The following PIEZO2 variants were observed in gnomAD, a reference collection of about 807,000 sequenced individuals.
The protein encoded by PIEZO2 is piezo-type mechanosensitive ion channel component 2.
Under a neutral mutation model 337.3 loss-of-function variants are expected in PIEZO2, and 172 were observed. The observed-to-expected ratio is 0.51, with a 90% CI of 0.45 to 0.58. The LOEUF is 0.58. Among genes scored for constraint, PIEZO2 ranks in the 20% least tolerant of loss-of-function variants. The pLI, the probability that PIEZO2 is intolerant of heterozygous loss-of-function variation, is 0.00. For synonymous variants in PIEZO2, 1,251 were observed against 1,228.5 expected (o/e 1.02, Z -0.38); for missense variants, 3,028 against 3,391.3 (o/e 0.89, Z 2.66).
At chr18:10,757,882 C>T in intron 27 of PIEZO2, 87 bp downstream of exon 27, 4 of 1,317,090 alleles carry the variant, frequency 3.0e-6, no homozygotes, top group Non-Finnish European at 4.1e-6. Flanking sequence ...ATCTGTTTCC[C>T]AAGTATAGCA....
rs2042662172 is a variant in PIEZO2, at chr18:10,888,189, A to G, written c.330-16774T>C. 6.6e-6 allele frequency among the ~76,000 whole-genome samples: 1 copy of G among 152,208 alleles called. No individual in the cohort carries two copies. Among genetic ancestry groups the G allele is most frequent in the Admixed American group, 6.5e-5 (1 of 15,274 alleles). On this transcript the variant is annotated intron_variant, in intron 4 of 55. Transcript: ENST00000674853. The surrounding 1 kb of genome is among the most constrained non-coding windows in gnomAD (Gnocchi z 4.1). The stretch of plus-strand genomic sequence containing the variant: ...GTAAGCACTTCCTCTTACCTCCAAT[A>G]AATCAATTTCTTAGCTAAGTAATAT...
chr18:10,867,219 C>G (rs1179126201), intron 5 of PIEZO2, among the ~76,000 whole-genome samples: 1 of 152,182 alleles, frequency 6.6e-6, no homozygotes, highest in African/African-American at 2.4e-5. Context: ...TAGACTAAAT[C>G]TCAGGCTAGA....
rs2037370929 is a variant in PIEZO2 at position 11,047,754 on chromosome 18, G to A, written c.160+18373C>T. 6.6e-6 allele frequency among the ~76,000 whole-genome samples: 1 copy of A among 152,120 alleles called. No homozygotes were observed. The highest frequency in any genetic ancestry group is 2.4e-5 in the African/African-American group (1 of 41,406). On this transcript the variant is annotated intron_variant, in intron 2 of 55. Transcript: ENST00000674853. This position sits in a 1 kb window ranked among gnomAD's most constrained non-coding sequence, Gnocchi z 7.2. ...AACAACTAAGAGTATGGCTTTGACA[G>A]GTGTCCCTGCATCTTAAAAGAGCAG...
At chr18:11,136,904 G>A (rs1477073038) in intron 1 of PIEZO2, among the ~76,000 whole-genome samples, 1 of 152,144 alleles carries the variant, frequency 6.6e-6, no homozygotes, top group Non-Finnish European at 1.5e-5. Context: ...CTCAAATCTT[G>A]TTTATATCAT....
chr18:10,698,338 CAGA>C (rs1418560847), intron 44 of PIEZO2, among the ~76,000 whole-genome samples: 1 of 152,050 alleles, frequency 6.6e-6, no homozygotes, highest in East Asian at 1.9e-4. Context: ...ACAAAAGCTT[CAGA>C]CAGGAGCCCC....
chr18:10,922,852 T>A (rs9946317), intron 3 of PIEZO2, among the ~76,000 whole-genome samples: 1 of 152,132 alleles, frequency 6.6e-6, no homozygotes, highest in East Asian at 1.9e-4. Context: ...ACCAAAACTA[T>A]ACAAAATAAA....
chr18:11,065,846 T>C (rs1054521318), intron 2 of PIEZO2, among the ~76,000 whole-genome samples: 1 of 152,232 alleles, frequency 6.6e-6, no homozygotes, highest in Non-Finnish European at 1.5e-5. Context: ...TTTGAGTTAG[T>C]AGTGTTAACT....
chr18:11,062,907 TG>T (rs2038018912), intron 2 of PIEZO2, among the ~76,000 whole-genome samples: 1 of 152,208 alleles, frequency 6.6e-6, no homozygotes, highest in Admixed American at 6.5e-5. Flanking sequence ...ATCGCATTAC[TG>T]GGTATATACC....
chr18:11,026,092 C>T (rs1199712508), intron 2 of PIEZO2, among the ~76,000 whole-genome samples: 20 of 152,164 alleles, frequency 1.3e-4, no homozygotes, highest in Admixed American at 1.2e-3. Flanking sequence ...ATTGCTTTGC[C>T]GGTTTGCCAG....
At position 10,945,258 on chromosome 18, in the gene PIEZO2, C is replaced by A. The variant is rs151060596; in HGVS notation, c.287-34030G>T. On this transcript the variant is annotated intron_variant, in intron 3 of 55. Transcript: ENST00000674853. This position sits in a 1 kb window ranked among gnomAD's most constrained non-coding sequence, Gnocchi z 4.0. ...GCAGTGGCACAATCATAGCTCACTGCAGCCTCAAACTCCTGTGCTCAGGGG... is the reference window on the plus strand; with the variant it reads ...GCAGTGGCACAATCATAGCTCACTGAAGCCTCAAACTCCTGTGCTCAGGGG... Among the ~76,000 whole-genome samples, 293 of 152,266 alleles carry A rather than the reference C, an allele frequency of 1.9e-3. 3 individuals carry two copies. The highest frequency in any genetic ancestry group is 6.6e-3 in the African/African-American group (275 of 41,554).
Position 10,902,525 on chromosome 18 carries a change from A to T in PIEZO2, c.329+8661T>A, listed in dbSNP as rs568365582. Among the ~76,000 whole-genome samples, 348 of 152,346 alleles carry T rather than the reference A, an allele frequency of 2.3e-3. 2 individuals carry two copies. Among genetic ancestry groups the T allele is most frequent in the African/African-American group, 7.1e-3 (297 of 41,588 alleles). On this transcript the variant is annotated intron_variant, in intron 4 of 55. Transcript: ENST00000674853. ...CTTTCTGTTTATATGTCCAATGTTT[A>T]CATCAGATTCTCTAGGGATCTAAGA...
At chr18:10,683,141 C>G (rs2034349786) in intron 49 of PIEZO2, among the ~76,000 whole-genome samples, 1 of 152,268 alleles carries the variant, frequency 6.6e-6, no homozygotes, top group Admixed American at 6.5e-5. Flanking sequence ...GTCAACCCCA[C>G]TCCCCGACTT....
At chr18:10,725,589 T>C (rs1266417577) in intron 36 of PIEZO2, 1 of 1,347,020 alleles carries the variant, frequency 7.4e-7, no homozygotes, top group East Asian at 2.3e-5. Flanking sequence ...GTCGGGGCTT[T>C]CCCTTCCTGA....
intron 1 of PIEZO2, among the ~76,000 whole-genome samples, chr18:11,145,064 G>C (rs1327288335): frequency 6.6e-6 from 1 of 152,072 alleles, no homozygotes; most frequent in Non-Finnish European, 1.5e-5. Context: ...ATAATTATCA[G>C]TTATAATTAT....
Position 10,716,293 on chromosome 18 carries a change from G to A in PIEZO2, c.5090-477C>T, listed in dbSNP as rs1377592552. On this transcript the variant is annotated intron_variant, in intron 37 of 55. Transcript: ENST00000674853. This position sits in a 1 kb window ranked among gnomAD's most constrained non-coding sequence, Gnocchi z 4.1. The stretch of plus-strand genomic sequence containing the variant: ...AACCCACTCAAGGGAAGGACGATGA[G>A]GATGAGAGCTTTATGATGGTCCACT... Among the ~76,000 whole-genome samples the A allele has an allele frequency of 1.3e-5, 2 of 152,142 alleles. No individual in the cohort carries two copies. The highest frequency in any genetic ancestry group is 6.5e-5 in the Admixed American group (1 of 15,268).
intron 1 of PIEZO2, among the ~76,000 whole-genome samples, chr18:11,123,683 A>C (rs1681234047): frequency 1.3e-5 from 2 of 152,002 alleles, no homozygotes; most frequent in Non-Finnish European, 2.9e-5. Context: ...GGTGGTGGGC[A>C]CCTGTAGTCC....
chr18:11,029,989 TA>T (rs2036673598), intron 2 of PIEZO2, among the ~76,000 whole-genome samples: 1 of 152,228 alleles, frequency 6.6e-6, no homozygotes, highest in Admixed American at 6.5e-5. Context: ...AAATATTTTT[TA>T]TCTCTTCTGA....
chr18:11,135,204 AG>A (rs1452207625), intron 1 of PIEZO2, among the ~76,000 whole-genome samples: 2 of 152,218 alleles, frequency 1.3e-5, no homozygotes, highest in Non-Finnish European at 2.9e-5. Context: ...CCTAGAAAGC[AG>A]TAATGTCCAA....
chr18:11,110,176 G>A lies in PIEZO2; in HGVS notation c.64+38349C>T, dbSNP rs895404391. Among the ~76,000 whole-genome samples, 4 of 152,128 alleles carry A rather than the reference G, an allele frequency of 2.6e-5. No individual in the cohort carries two copies. The highest frequency in any genetic ancestry group is 6.5e-5 in the Admixed American group (1 of 15,280). ...ATCTTACTCTATCACCCAGGCTGGA[G>A]TAAAGTGGTGTGATCATAGCTCACT... On this transcript the variant is annotated intron_variant, in intron 1 of 55. Coordinates refer to ENST00000674853, the MANE Select transcript of PIEZO2 (RefSeq NM_001378183.1). This position sits in a 1 kb window ranked among gnomAD's most constrained non-coding sequence, Gnocchi z 4.2.
Sources: gnomAD v4.1 joint callset for allele counts (sites outside exome capture counted in the v4.1 genomes callset) on GRCh38, gnomAD v4.1.1 for gene constraint, Gnocchi (gnomAD v3.1) non-coding constraint, MANE v1.5 for transcripts, NCBI Gene and HGNC (gene_info 2026-07-23, HGNC 2026-07-21) for gene names.